The following CLCNKA variants were observed in gnomAD, a reference collection of about 807,000 sequenced individuals.
CLCNKA encodes chloride channel protein ClC-Ka.
In CLCNKA, 66 loss-of-function variants were observed where a neutral mutation model predicts 83.3. That is an observed-to-expected ratio of 0.79 (90% confidence interval 0.65 to 0.97). The LOEUF (loss-of-function observed/expected upper bound fraction) is 0.97, where lower values mean the gene tolerates loss of function less well. Among genes scored for constraint, CLCNKA ranks in the 50% least tolerant of loss-of-function variants. CLCNKA has a pLI of 0.00. For synonymous variants in CLCNKA, 357 were observed against 370.4 expected (o/e 0.96, Z 0.42); for missense variants, 806 against 888.7 (o/e 0.91, Z 1.18).
intron 7 of CLCNKA, 128 bp downstream of exon 7, chr1:16,026,903 G>A: frequency 3.0e-6 from 4 of 1,330,660 alleles, no homozygotes; most frequent in South Asian, 1.2e-5. Context: ...CTTCAGCCCC[G>A]CTTTGGGTAT....
At chr1:16,022,530 G>A in intron 1 of CLCNKA, 83 bp from the exon 2 acceptor site, 3 of 930,378 alleles carry the variant, frequency 3.2e-6, no homozygotes, top group Non-Finnish European at 4.9e-6. Flanking sequence ...TCATTTGGGT[G>A]GGGAGAGCAC....
chr1:16,031,562 A>G (rs1234973711), intron 15 of CLCNKA, 148 bp from the exon 16 acceptor site: 11 of 1,109,698 alleles, frequency 9.9e-6, no homozygotes, highest in Admixed American at 6.1e-5. Context: ...GGGTTCTAGG[A>G]GTCCCTCATT....
At position 16,030,002 on chromosome 1, in the gene CLCNKA, C is replaced by T. The variant is rs7411607; in HGVS notation, c.1335C>T (p.Ala445=). Reference sequence around the variant, plus strand: ...GGCGCCTCTTGGGAGAGGCTCTTGCCGTCGCCTTCCCTGAGGGCATTGTGA... The same window carrying T: ...GGCGCCTCTTGGGAGAGGCTCTTGCTGTCGCCTTCCCTGAGGGCATTGTGA... ...AIGRLLGEAL[A]VAFPEGIVTG... is the part of the protein sequence containing the mutation. The change falls in exon 14 of 20, where the codon GCC becomes GCT. Residue 445 remains alanine (A), a synonymous_variant. Transcript: ENST00000331433. 2.2e-5 allele frequency: 35 copies of T among 1,602,278 alleles called. No individual in the cohort carries two copies. The highest frequency in any genetic ancestry group is 8.8e-5 in the South Asian group (8 of 90,962).
At chr1:16,030,351 C>G in intron 14 of CLCNKA, 110 bp from the exon 15 acceptor site, 2 of 1,379,576 alleles carry the variant, frequency 1.4e-6, no homozygotes, top group Non-Finnish European at 2.0e-6. Context: ...GCTGTGGCCT[C>G]TTACAATTCC....
intron 4 of CLCNKA, among the ~76,000 whole-genome samples, chr1:16,025,463 C>G (rs140728570): frequency 6.6e-6 from 1 of 152,114 alleles, no homozygotes; most frequent in Non-Finnish European, 1.5e-5. Flanking sequence ...CCCAGGTGTT[C>G]AAGAGCAGCT....
At chr1:16,029,047 G>A in intron 11 of CLCNKA, 79 bp from the exon 12 acceptor site, 1 of 1,567,212 alleles carries the variant, frequency 6.4e-7, no homozygotes, top group Admixed American at 1.8e-5. Context: ...TTCCAGGCGG[G>A]GTCAGGCGGT....
chr1:16,033,509 T>C, intron 19 of CLCNKA, 102 bp from the exon 20 acceptor site: 1 of 1,057,840 alleles, frequency 9.5e-7, no homozygotes, highest in Non-Finnish European at 1.5e-6. Context: ...CAGGCTCTAC[T>C]ATTCAGCCTG....
intron 18 of CLCNKA, among the ~76,000 whole-genome samples, chr1:16,032,735 G>A (rs1570314000): frequency 6.6e-6 from 1 of 152,358 alleles, no homozygotes; most frequent in South Asian, 2.1e-4. Flanking sequence ...GGAATTGGGG[G>A]GCTTGGCAAA....
chr1:16,024,969 G>A (rs1262470016), intron 4 of CLCNKA, 78 bp downstream of exon 4: 12 of 1,579,658 alleles, frequency 7.6e-6, no homozygotes, highest in South Asian at 1.1e-5. Flanking sequence ...GGGGGGAATC[G>A]GGAAGCTGCA....
intron 15 of CLCNKA, 49 bp from the exon 16 acceptor site, chr1:16,031,661 G>C: frequency 6.2e-7 from 1 of 1,613,140 alleles, no homozygotes; most frequent in South Asian, 1.1e-5. Flanking sequence ...GCTGGCCTGG[G>C]TCTGACATCC....
At chr1:16,029,013 C>T in intron 11 of CLCNKA, 113 bp from the exon 12 acceptor site, 17 of 1,539,258 alleles carry the variant, frequency 1.1e-5, no homozygotes, top group Middle Eastern at 1.7e-4. Flanking sequence ...CCAAGGCCCC[C>T]CGCTGGGAAG....
rs7531325 is a variant in CLCNKA at position 16,030,953 on chromosome 1, A to G, written c.1622+279A>G. Among the ~76,000 whole-genome samples the G allele has an allele frequency of 0.18, 27,263 of 151,842 alleles. 3,189 individuals are homozygous for G. The highest frequency in any genetic ancestry group is 0.29 in the Admixed American group (4,431 of 15,190). ...GCCCCGTGTACAGATTGAGGAAACC[A>G]GAGCTCAGAGAGGTGCCGTGTCTTG... On this transcript the variant is annotated intron_variant, in intron 15 of 19. Transcript: ENST00000331433.
intron 4 of CLCNKA, among the ~76,000 whole-genome samples, chr1:16,025,307 G>T (rs2022303893): frequency 2.0e-5 from 3 of 152,316 alleles, no homozygotes; most frequent in East Asian, 1.9e-4. Flanking sequence ...TGGACAACTC[G>T]CATTCCTCTC....
intron 4 of CLCNKA, 132 bp from the exon 5 acceptor site, chr1:16,025,976 G>A (rs1412472609): frequency 1.6e-5 from 19 of 1,202,526 alleles, no homozygotes; most frequent in East Asian, 2.4e-5. Context: ...GGCTGGTCTC[G>A]AACTCCTGAC....
chr1:16,032,140 G>A (rs1208872503), intron 16 of CLCNKA, 63 bp from the exon 17 acceptor site: 18 of 1,494,466 alleles, frequency 1.2e-5, no homozygotes, highest in Non-Finnish European at 1.6e-5. Flanking sequence ...TCTTCCGGAA[G>A]CTTGGCCCTC....
Position 16,028,781 on chromosome 1 carries a change from T to C in CLCNKA, c.989T>C (p.Leu330Pro). Residue 330 changes from leucine to proline, a missense_variant, in exon 11 of 20, where the codon CTG becomes CCG. Physicochemically the swap from Leu to Pro is moderately conservative, Grantham distance 98. Transcript: ENST00000331433. Reference protein sequence around the residue: ...LATSKPVYSALATLLLASITY... With the variant: ...LATSKPVYSAPATLLLASITY... ...CACAGCAAGCCTGTGTACTCCGCTC[T>C]GGCCACCTTGCTTCTCGCCTCCATC... 1.2e-6 allele frequency: 2 copies of C among 1,614,160 alleles called. No homozygotes were observed. The highest frequency in any genetic ancestry group is 1.7e-6 in the Non-Finnish European group (2 of 1,180,024).
intron 3 of CLCNKA, 56 bp downstream of exon 3, chr1:16,023,984 G>C: frequency 6.2e-7 from 1 of 1,609,606 alleles, no homozygotes; most frequent in East Asian, 2.2e-5. Context: ...GCACGCTCTG[G>C]GGATACCAGA....
chr1:16,033,414 G>A (rs1345699403), intron 19 of CLCNKA, among the ~76,000 whole-genome samples, 158 bp downstream of exon 19: 1 of 152,118 alleles, frequency 6.6e-6, no homozygotes, highest in Non-Finnish European at 1.5e-5. Flanking sequence ...TGGCCACTGG[G>A]CCTGGCTCCC....
In CLCNKA at chr1:16,026,695, A is replaced by G; in HGVS notation, c.577-2A>G. The stretch of plus-strand genomic sequence containing the variant: ...TCTGAGCCCTGGACTCGGATCCCCC[A>G]GAACAAGAGCAAGCAAAACGAAATG... On this transcript the variant is annotated splice_acceptor_variant, in intron 6 of 19. Transcript: ENST00000331433. LOFTEE classifies it high-confidence loss of function. 1 of 1,613,756 alleles carries G rather than the reference A, an allele frequency of 6.2e-7. No individual in the cohort carries two copies. Among genetic ancestry groups the G allele is most frequent in the Non-Finnish European group, 8.5e-7 (1 of 1,179,866 alleles).
Sources: gnomAD v4.1 joint callset for allele counts (sites outside exome capture counted in the v4.1 genomes callset) on GRCh38, gnomAD v4.1.1 for gene constraint, MANE v1.5 for transcripts, NCBI Gene and HGNC (gene_info 2026-07-23, HGNC 2026-07-21) for gene names.